CNGB1: variants seen among roughly 807,000 people sequenced by gnomAD.
CNGB1 encodes cyclic nucleotide-gated channel beta-1.
In CNGB1, 126 loss-of-function variants were observed where a neutral mutation model predicts 151.7. The observed-to-expected ratio is 0.83, with a 90% CI of 0.72 to 0.96. The LOEUF (loss-of-function observed/expected upper bound fraction) is 0.96. Ranked by LOEUF, CNGB1 falls within the 40% of genes least tolerant of loss-of-function variation. The pLI is 0.00. For synonymous variants in CNGB1, 623 were observed against 635.1 expected, an observed-to-expected ratio of 0.98 and a Z score of 0.29; for missense variants, 1,698 against 1,627.0, an observed-to-expected ratio of 1.04 and a Z score of -0.75.
chr16:57,955,134 T>A, intron 12 of CNGB1: 3 of 1,451,866 alleles, frequency 2.1e-6, no homozygotes, highest in Non-Finnish European at 2.7e-6. Context: ...CTTCCCCTTG[T>A]TCTGGTCTGG....
rs751167784 is a variant in CNGB1 at position 57,884,216 on chromosome 16, T to C, written c.3704A>G (p.Glu1235Gly). 7.1e-5 allele frequency: 114 copies of C among 1,613,808 alleles called. No homozygotes were observed. The highest frequency in any genetic ancestry group is 9.4e-5 in the Non-Finnish European group (111 of 1,179,924). Residue 1235 changes from glutamate (E) to glycine (G), a missense_variant, in exon 33 of 33, where the codon GAG becomes GGG. Glu to Gly is a moderately conservative substitution (Grantham distance 98). Transcript: ENST00000251102. ...CGGCATCTTCACCGACAGGATCTGCTCTCCCGGCTCCGGGCCCGGGCTCAT... is the reference window on the plus strand; with the variant it reads ...CGGCATCTTCACCGACAGGATCTGCCCTCCCGGCTCCGGGCCCGGGCTCAT... ...ICMSPGPEPG[E>G]QILSVKMPEE...
intron 31 of CNGB1, among the ~76,000 whole-genome samples, chr16:57,888,467 G>GTCTC (rs72091541): frequency 6.8e-6 from 1 of 147,522 alleles, no homozygotes; most frequent in East Asian, 2.0e-4. Context: ...CTCTGTCTCT[G>GTCTC]TCTCTCTCTC....
At chr16:57,949,721 T>A (rs937230817) in intron 13 of CNGB1, among the ~76,000 whole-genome samples, 1 of 152,192 alleles carries the variant, frequency 6.6e-6, no homozygotes, top group Non-Finnish European at 1.5e-5. Context: ...CTTAGCTATG[T>A]AAGTTATGGG....
At chr16:57,967,992 A>C (rs966994959) in intron 1 of CNGB1, among the ~76,000 whole-genome samples, 1 of 152,194 alleles carries the variant, frequency 6.6e-6, no homozygotes, top group African/African-American at 2.4e-5. Flanking sequence ...GTATTAAATA[A>C]GTTACACTAT....
chr16:57,902,308 T>G (rs112564244), intron 27 of CNGB1, among the ~76,000 whole-genome samples: 1,576 of 152,234 alleles, frequency 0.01, 23 homozygotes, highest in African/African-American at 0.035. Flanking sequence ...TGACCTCATT[T>G]GATCCACCCA....
At chr16:57,920,656 G>T in intron 18 of CNGB1, 112 bp from the exon 19 acceptor site, 1 of 1,324,538 alleles carries the variant, frequency 7.5e-7, no homozygotes, top group Non-Finnish European at 1.1e-6. Flanking sequence ...CCTGAAGGAG[G>T]TAAGTCCTGC....
At chr16:57,907,142 G>A (rs879400377) in intron 25 of CNGB1, among the ~76,000 whole-genome samples, 5 of 152,264 alleles carry the variant, frequency 3.3e-5, no homozygotes, top group Non-Finnish European at 5.9e-5. Flanking sequence ...CCACTGCTGG[G>A]CAGCTCGAGC....
intron 16 of CNGB1, among the ~76,000 whole-genome samples, chr16:57,932,569 G>T (rs572633815): frequency 6.8e-6 from 1 of 146,502 alleles, no homozygotes; most frequent in African/African-American, 2.5e-5. Context: ...CGCCCGGCTA[G>T]TTTTTGTTTT....
intron 17 of CNGB1, among the ~76,000 whole-genome samples, chr16:57,927,444 C>T (rs546351265): frequency 2.6e-5 from 4 of 152,318 alleles, no homozygotes; most frequent in Middle Eastern, 3.4e-3. Flanking sequence ...GGTTTCCCAC[C>T]CTGTTTCTCA....
intron 25 of CNGB1, among the ~76,000 whole-genome samples, chr16:57,909,174 G>T (rs756433191): frequency 1.2e-4 from 19 of 152,086 alleles, no homozygotes; most frequent in Non-Finnish European, 2.4e-4. Flanking sequence ...AGACTGAGGT[G>T]GGGGGATCAC....
Position 57,957,361 on chromosome 16 carries a change from C to G in CNGB1, c.854G>C (p.Gly285Ala). ...KIGEQEPDSP[G>A]ICDVQTISIL... ...CTTACTGGTCTGCACATCACATATC[C>G]CAGGGGAGTCAGGCTCCTGCATGGA... The change falls in exon 12 of 33, where the codon GGG (glycine) becomes GCG (alanine). Residue 285 changes from glycine (G) to alanine (A), a missense_variant. Transcript: ENST00000251102. 1 of 1,613,910 alleles carries G rather than the reference C, an allele frequency of 6.2e-7. No homozygotes were observed. Among genetic ancestry groups the G allele is most frequent in the Non-Finnish European group, 8.5e-7 (1 of 1,179,928 alleles).
At chr16:57,892,378 G>A (rs911124704) in intron 31 of CNGB1, among the ~76,000 whole-genome samples, 2 of 152,174 alleles carry the variant, frequency 1.3e-5, no homozygotes, top group Non-Finnish European at 2.9e-5. Flanking sequence ...CACCACTGAT[G>A]TGGTGGGGAA....
At chr16:57,916,104 T>C in intron 22 of CNGB1, 25 bp downstream of exon 22, 3 of 1,613,484 alleles carry the variant, frequency 1.9e-6, no homozygotes, top group Non-Finnish European at 2.5e-6. Context: ...CCGCAGACGC[T>C]AAACCTTGCA....
At chr16:57,888,836 G>A (rs1268990537) in intron 31 of CNGB1, among the ~76,000 whole-genome samples, 1 of 152,140 alleles carries the variant, frequency 6.6e-6, no homozygotes, top group African/African-American at 2.4e-5. Flanking sequence ...ATGCCCAGGT[G>A]GAAAAGGAAC....
chr16:57,952,493 CTTTTTTTTTTTTTT>C (rs10598722), intron 12 of CNGB1, among the ~76,000 whole-genome samples: 1 of 62,100 alleles, frequency 1.6e-5, no homozygotes, highest in South Asian at 9.4e-4. Context: ...CAAGCATTTC[CTTTTTTTTTTTTTT>C]TTTTTTTTTT....
intron 23 of CNGB1, among the ~76,000 whole-genome samples, chr16:57,914,341 T>C (rs1960806508): frequency 6.6e-6 from 1 of 152,166 alleles, no homozygotes; most frequent in Non-Finnish European, 1.5e-5. Flanking sequence ...ATGGTGCCAA[T>C]TCCACTTTCC....
In CNGB1 at chr16:57,917,490, T is replaced by G. The variant is rs3991715; in HGVS notation, c.1958-14A>C. The stretch of plus-strand genomic sequence containing the variant: ...CATACATCAGGTCTGTGGGGAAGGT[T>G]GACGGGGACGCTAGAGCATCAGCCA... On this transcript the variant is annotated splice_polypyrimidine_tract_variant and intron_variant, in intron 20 of 32. Transcript: ENST00000251102. The G allele has an allele frequency of 0.26, 426,850 of 1,612,868 alleles. 58,880 individuals are homozygous for G. Among genetic ancestry groups the G allele is most frequent in the African/African-American group, 0.44 (32,716 of 74,834 alleles).
rs7196504 is a variant in CNGB1, at chr16:57,893,671, G to T, written c.3242+3726C>A. ...AAATTAGCCGGGTGTGGTGGCATGT[G>T]CCTGCAGTAGTCCCAGCTATTGGGG... On this transcript the variant is annotated intron_variant, in intron 31 of 32. Transcript: ENST00000251102. Among the ~76,000 whole-genome samples, 1,490 of 152,186 alleles carry T rather than the reference G, an allele frequency of 9.8e-3. 26 individuals are homozygous for T. The highest frequency in any genetic ancestry group is 0.034 in the African/African-American group (1,422 of 41,536).
rs749642907 is a variant in CNGB1 at position 57,917,437 on chromosome 16, G to A, written c.1997C>T (p.Ala666Val). 3.1e-6 allele frequency: 5 copies of A among 1,614,090 alleles called. No homozygotes were observed. The highest frequency in any genetic ancestry group is 1.7e-4 in the Middle Eastern group (1 of 6,050). ...YVLWLFFVVM[A>V]WNWNCWLIPV... Reference sequence around the variant, plus strand: ...AATCAGCCAACAGTTCCAATTCCAGGCCATCACCACGAAGAACAGCCATAG... The same window carrying A: ...AATCAGCCAACAGTTCCAATTCCAGACCATCACCACGAAGAACAGCCATAG... The change falls in exon 21 of 33, where the codon GCC (alanine) becomes GTC (valine). Residue 666 changes from alanine (A) to valine (V), a missense_variant. Ala to Val is a moderately conservative substitution (Grantham distance 64, BLOSUM62 0). Coordinates refer to ENST00000251102, the MANE Select transcript of CNGB1 (RefSeq NM_001297.5).
Sources: gnomAD v4.1 joint callset for allele counts (sites outside exome capture counted in the v4.1 genomes callset) on GRCh38, gnomAD v4.1.1 for gene constraint, MANE v1.5 for transcripts, NCBI Gene and HGNC (gene_info 2026-07-23, HGNC 2026-07-21) for gene names.